Variants in GSDMD observed in about 807,000 individuals in gnomAD.
GSDMD encodes gasdermin-D.
GSDMD carries 46 observed loss-of-function variants against 46.7 expected under a neutral mutation model. The observed-to-expected ratio is 0.99, with a 90% CI of 0.78 to 1.26. The LOEUF is 1.26. GSDMD is among the 50% of genes most tolerant of loss of function. The pLI is 0.00. For missense variants in GSDMD, 649 were observed against 638.8 expected (o/e 1.02, Z -0.17); for synonymous variants, 307 against 283.1 (o/e 1.08, Z -0.85).
chr8:143,560,660 C>A lies in GSDMD; in HGVS notation c.468C>A (p.Asn156Lys). 1 of 1,590,020 alleles carries A rather than the reference C, an allele frequency of 6.3e-7. No homozygotes were observed. The highest frequency in any genetic ancestry group is 8.6e-7 in the Non-Finnish European group (1 of 1,168,606). The change falls in exon 4 of 11, where the codon AAC (asparagine) becomes AAA (lysine). Residue 156 changes from asparagine (N) to lysine (K), a missense_variant. By Grantham distance (94) the Asn-to-Lys change is moderately conservative. Transcript: ENST00000262580. ...AGCAGCTGCGCAGCCGCGGGGACAACGTGTACGTGGTGACTGAGGTGCTGC... is the reference window on the plus strand; with the variant it reads ...AGCAGCTGCGCAGCCGCGGGGACAAAGTGTACGTGGTGACTGAGGTGCTGC... ...VLQQLRSRGD[N>K]VYVVTEVLQT...
rs1823397573 is a variant in GSDMD, at chr8:143,559,517, T to C, written c.182T>C (p.Ile61Thr). Residue 61 changes from isoleucine (I) to threonine (T), a missense_variant, in exon 2 of 11, where the codon ATC becomes ACC. Ile to Thr is a moderately conservative substitution (Grantham distance 89). Coordinates refer to ENST00000262580, the MANE Select transcript of GSDMD (RefSeq NM_024736.7). ...KPRYKCVNLS[I>T]KDILEPDAAE... The stretch of plus-strand genomic sequence containing the variant: ...CGTTATAAGTGTGTCAACCTGTCTA[T>C]CAAGGACATCCTGGAGCCGGATGCC... 2.5e-6 allele frequency: 4 copies of C among 1,612,824 alleles called. No homozygotes were observed. In the East Asian group the frequency reaches 6.7e-5, roughly 27 times the overall value.
chr8:143,561,340 T>C, intron 5 of GSDMD, 30 bp from the exon 6 acceptor site: 6 of 1,585,080 alleles, frequency 3.8e-6, no homozygotes, highest in Admixed American at 1.7e-5. Context: ...GTGACATGCC[T>C]GTCCCTGTCT....
chr8:143,559,210 G>A (rs963820272), intron 1 of GSDMD, 122 bp from the exon 2 acceptor site: 2 of 665,332 alleles, frequency 3.0e-6, no homozygotes, highest in African/African-American at 1.8e-5. Context: ...AGGATGAGCT[G>A]GGCAGGGCTG....
chr8:143,557,069 C>A (rs993357923), upstream of GSDMD, among the ~76,000 whole-genome samples: 1 of 152,264 alleles, frequency 6.6e-6, no homozygotes, highest in African/African-American at 2.4e-5. Flanking sequence ...CCATTCGGGA[C>A]ACATCACGTG....
chr8:143,557,446 G>A (rs933917845), upstream of GSDMD, among the ~76,000 whole-genome samples: 33 of 148,552 alleles, frequency 2.2e-4, no homozygotes, highest in East Asian at 5.8e-4. Flanking sequence ...CTGTGACGAC[G>A]GATGCTGCCG....
chr8:143,561,100 C>G lies in GSDMD; in HGVS notation c.678C>G (p.Asp226Glu). Reference sequence around the variant, plus strand: ...TGGCCCAGCTGGTTATTGACTCTGACTTGGGTGAGCTGGAGTTGGGGGTGT... The same window carrying G: ...TGGCCCAGCTGGTTATTGACTCTGAGTTGGGTGAGCTGGAGTTGGGGGTGT... ...FRVAQLVIDS[D>E]LDVLLFPDKK... The change falls in exon 5 of 11, where the codon GAC becomes GAG. Residue 226 changes from aspartate to glutamate, a missense_variant. By Grantham distance (45) the Asp-to-Glu change is conservative. Transcript: ENST00000262580. 1 of 1,612,512 alleles carries G rather than the reference C, an allele frequency of 6.2e-7. No individual in the cohort carries two copies. The highest frequency in any genetic ancestry group is 8.5e-7 in the Non-Finnish European group (1 of 1,179,390).
chr8:143,559,928 G>A lies in GSDMD; in HGVS notation c.369G>A (p.Leu123=). The stretch of plus-strand genomic sequence containing the variant: ...GCACCTCAATGAATGTGTACTCGCT[G>A]AGTGTGGACCCTAACACCTGGCAGA... ...SSSTSMNVYS[L]SVDPNTWQTL... Residue 123 remains leucine, a synonymous_variant, in exon 3 of 11, where the codon CTG becomes CTA. Coordinates refer to ENST00000262580, the MANE Select transcript of GSDMD (RefSeq NM_024736.7). The A allele has an allele frequency of 1.2e-6, 2 of 1,612,848 alleles. No individual in the cohort carries two copies. Among genetic ancestry groups the A allele is most frequent in the African/African-American group, 1.3e-5 (1 of 75,066 alleles).
chr8:143,557,005 A>T (rs1254958956), upstream of GSDMD, among the ~76,000 whole-genome samples: 1 of 152,228 alleles, frequency 6.6e-6, no homozygotes, highest in Non-Finnish European at 1.5e-5. Flanking sequence ...CGTCGCTCCC[A>T]ACCCCCGTCC....
In GSDMD at chr8:143,561,433, G is replaced by A. The variant is rs2290414; in HGVS notation, c.736+10G>A. On this transcript the variant is annotated intron_variant, in intron 6 of 10. Transcript: ENST00000262580. The stretch of plus-strand genomic sequence containing the variant: ...CAGCCACCCGCGACAGGTGAGAGCC[G>A]AGAGCCCCCAGCATGGGGTGTCCGG... 0.46 allele frequency: 744,389 copies of A among 1,607,118 alleles called. 175,109 individuals carry two copies. Among genetic ancestry groups the A allele is most frequent in the South Asian group, 0.6 (54,108 of 90,554 alleles).
At chr8:143,560,925 C>A in intron 4 of GSDMD, 77 bp from the exon 5 acceptor site, 3 of 1,469,470 alleles carry the variant, frequency 2.0e-6, no homozygotes, top group Non-Finnish European at 2.8e-6. Context: ...GGCGGGCCTG[C>A]CCCCGGCACC....
rs963482079 is a variant in GSDMD, at chr8:143,562,865, C to T, written c.1416C>T (p.Ser472=). 1.2e-6 allele frequency: 2 copies of T among 1,612,252 alleles called. No homozygotes were observed. The highest frequency in any genetic ancestry group is 2.2e-5 in the East Asian group (1 of 44,890). ...AQGRMCALYA[S]LALLSGLSQE... ...GCCGCATGTGTGCACTCTACGCCTC[C>T]CTGGCACTGCTATCAGGACTGAGCC... Residue 472 remains serine (S), a synonymous_variant, in exon 11 of 11, where the codon TCC becomes TCT. Coordinates refer to ENST00000262580, the MANE Select transcript of GSDMD (RefSeq NM_024736.7).
At chr8:143,561,647 G>A (rs1042621910) in intron 6 of GSDMD, 95 bp from the exon 7 acceptor site, 65 of 1,104,278 alleles carry the variant, frequency 5.9e-5, no homozygotes, top group Non-Finnish European at 7.0e-5. Flanking sequence ...AGTGGTGAGC[G>A]GGGCTGTGAC....
chr8:143,558,622 AGCCCAGGGGCCCG>A, intron 1 of GSDMD, 171 bp downstream of exon 1: 1 of 656,428 alleles, frequency 1.5e-6, no homozygotes, highest in Non-Finnish European at 2.4e-6. Flanking sequence ...GCCCCTGGCC[AGCCCAGGGGCCCG>A]GCCTTTGGAC....
chr8:143,560,897 G>A lies in GSDMD; in HGVS notation c.580-105G>A, dbSNP rs766264714. On this transcript the variant is annotated intron_variant, in intron 4 of 10. Transcript: ENST00000262580. ...GCTCCCAGCCCTGCGCTTGGCTGCG[G>A]AGCCGAAGTCACCTGGCGGCGGGCC... 9 of 1,439,110 alleles carry A rather than the reference G, an allele frequency of 6.3e-6. No homozygotes were observed. In the South Asian group the frequency reaches 1.0e-4, roughly 17 times the overall value. 89.1% of individuals were successfully genotyped at this position (1,439,110 alleles called of 1,614,324 possible).
At chr8:143,557,304 C>A (rs1325312663), upstream of GSDMD, among the ~76,000 whole-genome samples, 1 of 91,914 alleles carries the variant, frequency 1.1e-5, no homozygotes, top group African/African-American at 4.1e-5. Flanking sequence ...GCGAAGGATG[C>A]TGCCGCTATG....
intron 6 of GSDMD, 75 bp from the exon 7 acceptor site, chr8:143,561,661 CTGGGGA>C: frequency 3.3e-6 from 4 of 1,224,016 alleles, no homozygotes; most frequent in Non-Finnish European, 3.5e-6. Flanking sequence ...CTGTGACGGC[CTGGGGA>C]AGGCCTCAGC....
chr8:143,555,142 C>A (rs1195297886), upstream of GSDMD: 2 of 152,290 alleles, frequency 1.3e-5, no homozygotes, highest in Non-Finnish European at 2.9e-5. Flanking sequence ...AGGGCAGAGA[C>A]CTTGTCTTGT....
intron 1 of GSDMD, 93 bp from the exon 2 acceptor site, chr8:143,559,239 C>T (rs1823387874): frequency 1.3e-6 from 1 of 785,508 alleles, no homozygotes; most frequent in South Asian, 1.7e-5. Flanking sequence ...GGAAGGAGTC[C>T]CCCATCATGG....
intron 3 of GSDMD, chr8:143,560,239 C>T: frequency 2.9e-6 from 2 of 688,928 alleles, no homozygotes; most frequent in Non-Finnish European, 5.3e-6. Context: ...CAAAAGAGCG[C>T]TGTGGCCGGA....
Sources: gnomAD v4.1 joint callset for allele counts (sites outside exome capture counted in the v4.1 genomes callset) on GRCh38, gnomAD v4.1.1 for gene constraint, MANE v1.5 for transcripts, NCBI Gene and HGNC (gene_info 2026-07-23, HGNC 2026-07-21) for gene names.